The following ROBO4 variants were observed in gnomAD, a reference collection of about 807,000 sequenced individuals.
ROBO4 encodes roundabout homolog 4.
In ROBO4, 80 loss-of-function variants were observed where a neutral mutation model predicts 103.3. The ratio of observed to expected loss-of-function variants is 0.77; its 90% CI spans 0.65 to 0.93. The LOEUF is 0.93. ROBO4 is among the 40% of genes least tolerant of loss of function. ROBO4 has a pLI of 0.00. For synonymous variants in ROBO4, 504 were observed against 529.7 expected, an observed-to-expected ratio of 0.95 and a Z score of 0.67; for missense variants, 1,333 against 1,305.3, an observed-to-expected ratio of 1.02 and a Z score of -0.33.
chr11:124,893,967 T>A lies in ROBO4; in HGVS notation c.1397A>T (p.Lys466Met). 6.2e-7 allele frequency: 1 copy of A among 1,600,398 alleles called. No individual in the cohort carries two copies. Among genetic ancestry groups the A allele is most frequent in the Non-Finnish European group, 8.5e-7 (1 of 1,174,652 alleles). The change falls in exon 9 of 18, where the codon AAG (lysine) becomes ATG (methionine). Residue 466 changes from lysine to methionine, a missense_variant. Coordinates refer to ENST00000306534, the MANE Select transcript of ROBO4 (RefSeq NM_019055.6). ...WTLEQLRATL[K>M]RPEVIATCGV... ...GCAGGTGGCAATGACCTCAGGCCGC[T>A]TCAAGGTAGCCCTCAGCTGCTCCAG...
intron 7 of ROBO4, 31 bp downstream of exon 7, chr11:124,895,050 T>G (rs1029561110): frequency 1.4e-6 from 2 of 1,466,750 alleles, no homozygotes; most frequent in African/African-American, 2.8e-5. Flanking sequence ...CTGGCAGCAG[T>G]AGGAAGGGCT....
At chr11:124,897,587 C>T (rs1946919261) in intron 1 of ROBO4, 139 bp downstream of exon 1, 1 of 712,762 alleles carries the variant, frequency 1.4e-6, no homozygotes, top group Non-Finnish European at 2.5e-6. Context: ...CATACACTTA[C>T]ACACACTCAT....
In ROBO4 at chr11:124,890,839, C is replaced by T. The variant is rs139788376; in HGVS notation, c.1948+460G>A. 2.6e-5 allele frequency among the ~76,000 whole-genome samples: 4 copies of T among 152,276 alleles called. No individual in the cohort carries two copies. In the East Asian group the frequency reaches 7.7e-4, roughly 29 times the overall value. On this transcript the variant is annotated intron_variant, in intron 12 of 17. Transcript: ENST00000306534. Reference sequence around the variant, plus strand: ...CCAAGCACACCTGTACATAGTACACCAGGAGATGAGCTCGTGGGAGCCTGA... The same window carrying T: ...CCAAGCACACCTGTACATAGTACACTAGGAGATGAGCTCGTGGGAGCCTGA...
In ROBO4 at chr11:124,887,429, C is replaced by A. The variant is rs750436287; in HGVS notation, c.2127G>T (p.Leu709=). 4 of 1,613,916 alleles carry A rather than the reference C, an allele frequency of 2.5e-6. No homozygotes were observed. Among genetic ancestry groups the A allele is most frequent in the Non-Finnish European group, 3.4e-6 (4 of 1,179,986 alleles). Residue 709 remains leucine, a synonymous_variant, in exon 14 of 18, where the codon CTG becomes CTT. Coordinates refer to ENST00000306534, the MANE Select transcript of ROBO4 (RefSeq NM_019055.6). ...GPKLLSSSNE[L]VTRHLPPAPL... is the part of the protein sequence containing the mutation. ...GTGCTGGAGGGAGATGACGAGTAAC[C>A]AGCTCATTTGAGGAGCTGAGGAGTT...
rs1041858314 is a variant in ROBO4 at position 124,897,798 on chromosome 11, C to G, written c.-3G>C. The G allele has an allele frequency of 6.2e-7, 1 of 1,612,004 alleles. No individual in the cohort carries two copies. The highest frequency in any genetic ancestry group is 2.2e-5 in the East Asian group (1 of 44,818). On this transcript the variant is annotated 5_prime_UTR_variant, in exon 1 of 18. Transcript: ENST00000306534. ...AGGCTGTCTCCTCCAGAGCCCATGG[C>G]TACTCTCAGCCCTATGTCCTTGTCC...
chr11:124,884,963 T>TG (rs780435490), intron 17 of ROBO4, 50 bp from the exon 18 acceptor site: 5 of 1,613,858 alleles, frequency 3.1e-6, no homozygotes, highest in Non-Finnish European at 4.2e-6. Context: ...CCTTCCCCAG[T>TG]GCCAGGCTTC....
At position 124,886,774 on chromosome 11, in the gene ROBO4, A is replaced by G. The variant is rs1442670221; in HGVS notation, c.2484T>C (p.Tyr828=). ...MPRAPSPPTT[Y]GYISVPTASE... ...AGGCTGTTGGGACGCTGATGTACCC[A>G]TAGGTGGTGGGGGGTGAAGGAGCCC... Residue 828 remains tyrosine (Y), a synonymous_variant, in exon 16 of 18, where the codon TAT becomes TAC. Coordinates refer to ENST00000306534, the MANE Select transcript of ROBO4 (RefSeq NM_019055.6). 5.8e-6 allele frequency: 9 copies of G among 1,553,296 alleles called. No homozygotes were observed. The highest frequency in any genetic ancestry group is 1.2e-5 in the South Asian group (1 of 80,826).
In ROBO4 at chr11:124,884,337, A is replaced by G. The variant is rs1946678172; in HGVS notation, c.*554T>C. The stretch of plus-strand genomic sequence containing the variant: ...TTCCTTCAGCATCCTCGCTAGACCC[A>G]GCCTTGAACCCTTTGTTTGGCATGA... On this transcript the variant is annotated 3_prime_UTR_variant, in exon 18 of 18. Coordinates refer to ENST00000306534, the MANE Select transcript of ROBO4 (RefSeq NM_019055.6). 6.3e-6 allele frequency: 1 copy of G among 158,076 alleles called. No individual in the cohort carries two copies. Among genetic ancestry groups the G allele is most frequent in the East Asian group, 1.9e-4 (1 of 5,390 alleles). The allele number at this position is 158,076 out of a possible 1,614,324, so 9.8% of individuals were successfully genotyped here.
intron 3 of ROBO4, 56 bp from the exon 4 acceptor site, chr11:124,896,374 G>A: frequency 6.2e-7 from 1 of 1,606,544 alleles, no homozygotes; most frequent in Non-Finnish European, 8.5e-7. Context: ...CTCTGAGCTG[G>A]GGGGAAGTTT....
chr11:124,896,985 G>C lies in ROBO4; in HGVS notation c.347C>G (p.Ala116Gly). ...GACTGCCGTGCCAAGCCGGTTGCTGGCCTCACATGTGTAGACACCCAGGTC... is the reference window on the plus strand; with the variant it reads ...GACTGCCGTGCCAAGCCGGTTGCTGCCCTCACATGTGTAGACACCCAGGTC... ...STDLGVYTCE[A>G]SNRLGTAVSR... Residue 116 changes from alanine (A) to glycine (G), a missense_variant, in exon 2 of 18, where the codon GCC (alanine) becomes GGC (glycine). Physicochemically the swap from Ala to Gly is moderately conservative, Grantham distance 60. Coordinates refer to ENST00000306534, the MANE Select transcript of ROBO4 (RefSeq NM_019055.6). The C allele has an allele frequency of 6.2e-7, 1 of 1,613,990 alleles. No individual in the cohort carries two copies. Among genetic ancestry groups the C allele is most frequent in the Non-Finnish European group, 8.5e-7 (1 of 1,180,026 alleles).
chr11:124,896,918 C>G lies in ROBO4; in HGVS notation c.400+14G>C, dbSNP rs186884693. ...AGGTTTGCCCCACCCTGAAGCTCCCCTCCCAGGCCTCACCAGCCACAGACA... is the reference window on the plus strand; with the variant it reads ...AGGTTTGCCCCACCCTGAAGCTCCCGTCCCAGGCCTCACCAGCCACAGACA... On this transcript the variant is annotated intron_variant, in intron 2 of 17. Transcript: ENST00000306534. 3.1e-4 allele frequency: 492 copies of G among 1,607,606 alleles called. 2 individuals carry two copies. The East Asian group carries it at 8.2e-3, about 27-fold the overall frequency.
chr11:124,888,669 C>T (rs557588246), intron 12 of ROBO4, among the ~76,000 whole-genome samples: 1 of 152,340 alleles, frequency 6.6e-6, no homozygotes, highest in African/African-American at 2.4e-5. Flanking sequence ...ATCTGGCCCA[C>T]ATGGGCAGTG....
chr11:124,894,011 A>G lies in ROBO4; in HGVS notation c.1353T>C (p.Ser451=), dbSNP rs371186405. Residue 451 remains serine (S), a synonymous_variant, in exon 9 of 18, where the codon AGT becomes AGC. Coordinates refer to ENST00000306534, the MANE Select transcript of ROBO4 (RefSeq NM_019055.6). ...QAMERATQEP[S]EHGPWTLEQL... Reference sequence around the variant, plus strand: ...GCTCCAGGGTCCAGGGACCATGCTCACTGGGTTCTTGGGTGGCTCGCTCCA... The same window carrying G: ...GCTCCAGGGTCCAGGGACCATGCTCGCTGGGTTCTTGGGTGGCTCGCTCCA... 5.8e-6 allele frequency: 9 copies of G among 1,563,328 alleles called. No homozygotes were observed. Among genetic ancestry groups the G allele is most frequent in the Non-Finnish European group, 7.8e-6 (9 of 1,155,292 alleles).
chr11:124,883,904 C>T lies in ROBO4; in HGVS notation c.*987G>A, dbSNP rs1431345651. The T allele has an allele frequency of 6.6e-6, 1 of 152,160 alleles. No individual in the cohort carries two copies. Among genetic ancestry groups the T allele is most frequent in the Non-Finnish European group, 1.5e-5 (1 of 68,052 alleles). 9.4% of individuals were successfully genotyped at this position (152,160 alleles called of 1,614,324 possible). A position where few individuals can be genotyped will look rare whatever the true frequency, so the allele number is the denominator to read the frequency against. ...ACCTATTACTTCATTTTCCCCACAG[C>T]CAATCACCCTTCCCCATGCCTTAGA... On this transcript the variant is annotated 3_prime_UTR_variant, in exon 18 of 18. Transcript: ENST00000306534.
At position 124,897,253 on chromosome 11, in the gene ROBO4, C is replaced by A; in HGVS notation, c.79G>T (p.Ala27Ser). ...LLLLLIMGGM[A>S]QDSPPQILVH... ...AGGATCTGGGGCGGGGAGTCCTGAG[C>A]CATGCCTCCTGGGAGGGAAAGGGAG... Residue 27 changes from alanine (A) to serine (S), a missense_variant, in exon 2 of 18, where the codon GCT (alanine) becomes TCT (serine). By Grantham distance (99) the Ala-to-Ser change is moderately conservative. Transcript: ENST00000306534. The A allele has an allele frequency of 6.9e-7, 1 of 1,444,008 alleles. No homozygotes were observed. Among genetic ancestry groups the A allele is most frequent in the Non-Finnish European group, 9.1e-7 (1 of 1,099,386 alleles). 89.4% of individuals were successfully genotyped at this position (1,444,008 alleles called of 1,614,324 possible).
intron 2 of ROBO4, 61 bp from the exon 3 acceptor site, chr11:124,896,731 A>C: frequency 3.8e-6 from 6 of 1,560,982 alleles, no homozygotes; most frequent in Non-Finnish European, 5.2e-6. Context: ...CTCCCTTATC[A>C]CTCTTGCCCC....
In ROBO4 at chr11:124,886,651, G is replaced by T; in HGVS notation, c.2607C>A (p.Ser869Arg). The T allele has an allele frequency of 4.3e-6, 7 of 1,613,930 alleles. No individual in the cohort carries two copies. Among genetic ancestry groups the T allele is most frequent in the Non-Finnish European group, 5.9e-6 (7 of 1,179,874 alleles). The part of the protein sequence containing the change: ...PPRPCLTPTP[S>R]EGSLANGWGS... ...CCCAACCATTGGCTAAGGAGCCCTC[G>T]CTGGGGGTGGGGGTGAGGCAGGGCC... The change falls in exon 16 of 18, where the codon AGC becomes AGA. Residue 869 changes from serine (S) to arginine (R), a missense_variant. By Grantham distance (110) the Ser-to-Arg change is moderately radical. Coordinates refer to ENST00000306534, the MANE Select transcript of ROBO4 (RefSeq NM_019055.6).
At chr11:124,886,923 C>A (rs1245716801) in intron 15 of ROBO4, 54 bp downstream of exon 15, 2 of 1,558,386 alleles carry the variant, frequency 1.3e-6, no homozygotes, top group Non-Finnish European at 8.7e-7. Flanking sequence ...GGTGGAGAGG[C>A]GCTTGCCCCC....
intron 2 of ROBO4, 109 bp from the exon 3 acceptor site, chr11:124,896,779 G>A (rs1946900270): frequency 2.6e-6 from 4 of 1,511,652 alleles, no homozygotes; most frequent in Non-Finnish European, 3.5e-6. Flanking sequence ...CCCATTTAGG[G>A]CCAGCCCCGC....
Sources: gnomAD v4.1 joint callset for allele counts (sites outside exome capture counted in the v4.1 genomes callset) on GRCh38, gnomAD v4.1.1 for gene constraint, MANE v1.5 for transcripts, NCBI Gene and HGNC (gene_info 2026-07-23, HGNC 2026-07-21) for gene names.